The following NPRL3 variants were observed in gnomAD, a reference collection of about 807,000 sequenced individuals.
The protein encoded by NPRL3 is NPR3 like, GATOR1 complex subunit, also known as GATOR1 complex protein NPRL3.
In NPRL3, 23 loss-of-function variants were observed where a neutral mutation model predicts 57.2. That is an observed-to-expected ratio of 0.40 (90% CI 0.29 to 0.57). The LOEUF is 0.57. Among genes scored for constraint, NPRL3 ranks in the 20% least tolerant of loss-of-function variants. The pLI, the probability that NPRL3 is intolerant of heterozygous loss-of-function variation, is 0.42. For synonymous variants in NPRL3, 333 were observed against 321.1 expected (o/e 1.04, Z -0.39); for missense variants, 691 against 767.1 (o/e 0.90, Z 1.17).
At chr16:135,527 T>G (rs545408152) in intron 2 of NPRL3, among the ~76,000 whole-genome samples, 24 of 148,784 alleles carry the variant, frequency 1.6e-4, no homozygotes, top group African/African-American at 5.0e-4. Context: ...GAGAATCGCT[T>G]GAACCCGGGA....
chr16:136,536 A>AT (rs1472086635), intron 2 of NPRL3, among the ~76,000 whole-genome samples: 1 of 151,630 alleles, frequency 6.6e-6, no homozygotes, highest in Non-Finnish European at 1.5e-5. Flanking sequence ...AAAAATAAAA[A>AT]AAAAAATTAG....
intron 8 of NPRL3, among the ~76,000 whole-genome samples, 156 bp from the exon 9 acceptor site, chr16:98,457 C>A (rs1236114586): frequency 1.3e-5 from 2 of 151,670 alleles, no homozygotes; most frequent in Non-Finnish European, 2.9e-5. Context: ...GACTCAAACA[C>A]ACGGAACATA....
intron 7 of NPRL3, among the ~76,000 whole-genome samples, chr16:109,724 T>C (rs957047526): frequency 6.6e-6 from 1 of 152,136 alleles, no homozygotes; most frequent in African/African-American, 2.4e-5. Context: ...TCCCCCGAGC[T>C]TTGCCAACAT....
At chr16:120,765 G>A (rs1427728771) in intron 3 of NPRL3, among the ~76,000 whole-genome samples, 1 of 152,148 alleles carries the variant, frequency 6.6e-6, no homozygotes, top group African/African-American at 2.4e-5. Context: ...GGTCTCTCCT[G>A]CAGAGATGGA....
chr16:110,264 C>T (rs995483979), intron 7 of NPRL3, among the ~76,000 whole-genome samples: 1 of 151,200 alleles, frequency 6.6e-6, no homozygotes, highest in African/African-American at 2.4e-5. Flanking sequence ...AGCAAAACTC[C>T]ATCTCAAAAA....
chr16:92,888 C>A (rs752610613), intron 10 of NPRL3, 163 bp from the exon 11 acceptor site: 94 of 802,048 alleles, frequency 1.2e-4, no homozygotes, highest in Non-Finnish European at 1.7e-4. Context: ...GTGGACAGAG[C>A]CTGGGCACTT....
intron 7 of NPRL3, 98 bp downstream of exon 7, chr16:110,426 TG>T: frequency 1.2e-6 from 1 of 863,282 alleles, no homozygotes; most frequent in Non-Finnish European, 1.9e-6. Flanking sequence ...AGGAGAACAG[TG>T]GTCAGTACCG....
chr16:104,479 C>A (rs1031881212), intron 7 of NPRL3, among the ~76,000 whole-genome samples: 2 of 152,126 alleles, frequency 1.3e-5, no homozygotes, highest in African/African-American at 4.8e-5. Flanking sequence ...CATGAAGGTT[C>A]TTCTAGTGAC....
chr16:133,737 T>C (rs1900923467), intron 2 of NPRL3, among the ~76,000 whole-genome samples: 1 of 152,232 alleles, frequency 6.6e-6, no homozygotes, highest in East Asian at 1.9e-4. Context: ...GCAAGCAGAC[T>C]AGCTTTTGGC....
chr16:109,177 C>G lies in NPRL3; in HGVS notation c.629+1348G>C, dbSNP rs117080892. 7.5e-4 allele frequency among the ~76,000 whole-genome samples: 114 copies of G among 152,226 alleles called. 2 individuals carry two copies. In the East Asian group the frequency reaches 0.021, roughly 29 times the overall value. ...AGAAATGCGATCTCACATTGTTGTT[C>G]AGGCTGATCTTGCACTTCTGACCTC... On this transcript the variant is annotated intron_variant, in intron 7 of 13. Transcript: ENST00000611875.
At chr16:103,296 A>ATTTTTTCTTTTTTTTTTTTTTT in intron 7 of NPRL3, among the ~76,000 whole-genome samples, 1 of 42,126 alleles carries the variant, frequency 2.4e-5, no homozygotes, top group South Asian at 1.2e-3. Context: ...GCCTGGGGTG[A>ATTTTTTCTTTTTTTTTTTTTTT]TTTTTTTTTT....
rs1219912132 is a variant in NPRL3, at chr16:88,864, T to G, written c.1378A>C (p.Ser460Arg). The G allele has an allele frequency of 1.2e-6, 2 of 1,613,130 alleles. No individual in the cohort carries two copies. Residue 460 changes from serine (S) to arginine (R), a missense_variant, in exon 13 of 14, where the codon AGC (serine) becomes CGC (arginine). Transcript: ENST00000611875. ...GCGCTGGAGTTGTCCATGCTGGGGC[T>G]GGTGAGGGTCATGTCATCGCTGCTG... The part of the protein sequence containing the change: ...PTSSDDMTLT[S>R]PSMDNSSAEL...
At chr16:100,772 AG>A (rs1899253948) in intron 7 of NPRL3, among the ~76,000 whole-genome samples, 1 of 24,870 alleles carries the variant, frequency 4.0e-5, no homozygotes. Context: ...GTTCGAGACC[AG>A]CCTGGCTAAT....
intron 11 of NPRL3, chr16:90,633 G>A (rs1311801242): frequency 6.6e-6 from 1 of 152,386 alleles, no homozygotes; most frequent in African/African-American, 2.4e-5. Flanking sequence ...GCGTTGAACA[G>A]TAAGGAGTGT....
At chr16:89,964 A>T in intron 11 of NPRL3, 62 bp from the exon 12 acceptor site, 1 of 1,461,512 alleles carries the variant, frequency 6.8e-7, no homozygotes, top group Non-Finnish European at 9.2e-7. Flanking sequence ...CTGGGTGATC[A>T]GGGAGCCATG....
At chr16:118,374 A>T (rs1331968278) in intron 4 of NPRL3, among the ~76,000 whole-genome samples, 2 of 152,206 alleles carry the variant, frequency 1.3e-5, no homozygotes, top group African/African-American at 2.4e-5. Flanking sequence ...AAGAGAACAT[A>T]TAGAGAGGGT....
rs764557887 is a variant in NPRL3, at chr16:85,679, G to A, written c.*1026C>T. 1 of 1,567,742 alleles carries A rather than the reference G, an allele frequency of 6.4e-7. No homozygotes were observed. Among genetic ancestry groups the A allele is most frequent in the Non-Finnish European group, 8.7e-7 (1 of 1,153,660 alleles). On this transcript the variant is annotated 3_prime_UTR_variant, in exon 14 of 14. Transcript: ENST00000611875. ...AGCAGCCCGGGTGGGCGTCGGCCAT[G>A]CAGGGGAGTGGGCCCGGAAACCCCT...
chr16:106,950 G>A (rs1489533971), intron 7 of NPRL3, among the ~76,000 whole-genome samples: 1 of 152,178 alleles, frequency 6.6e-6, no homozygotes, highest in East Asian at 1.9e-4. Flanking sequence ...GGTGGCTGCA[G>A]AGCCATGCCA....
chr16:91,817 C>T (rs1898774927), intron 11 of NPRL3, among the ~76,000 whole-genome samples: 1 of 152,246 alleles, frequency 6.6e-6, no homozygotes, highest in Non-Finnish European at 1.5e-5. Flanking sequence ...GAACACCCAG[C>T]TCGTCTGTCT....
Sources: gnomAD v4.1 joint callset for allele counts (sites outside exome capture counted in the v4.1 genomes callset) on GRCh38, gnomAD v4.1.1 for gene constraint, MANE v1.5 for transcripts, NCBI Gene and HGNC (gene_info 2026-07-23, HGNC 2026-07-21) for gene names.